The following PCYOX1L variants were observed in gnomAD, a reference collection of about 807,000 sequenced individuals.
PCYOX1L encodes the protein prenylcysteine oxidase 1-like.
PCYOX1L carries 40 observed loss-of-function variants against 44.1 expected under a neutral mutation model. The observed-to-expected ratio is 0.91, with a 90% CI of 0.70 to 1.18. PCYOX1L has a LOEUF of 1.18. PCYOX1L is among the 50% of genes most tolerant of loss of function. The pLI is 0.00. For synonymous variants in PCYOX1L, 266 were observed against 282.8 expected, an observed-to-expected ratio of 0.94 and a Z score of 0.60; for missense variants, 605 against 653.3, an observed-to-expected ratio of 0.93 and a Z score of 0.81.
chr5:149,362,359 T>G (rs1397700065), intron 1 of PCYOX1L: 1 of 466,290 alleles, frequency 2.1e-6, no homozygotes, highest in Admixed American at 3.5e-5. Flanking sequence ...CTTTAATTGG[T>G]CATCCTGACT....
In PCYOX1L at chr5:149,368,976, G is replaced by A. The variant is rs1418355606; in HGVS notation, c.*322G>A. ...TTAGCTAGAAACCAGAAGACTACGGGAGGGAATATAAGGCAGAGAACTATG... is the reference window on the plus strand; with the variant it reads ...TTAGCTAGAAACCAGAAGACTACGGAAGGGAATATAAGGCAGAGAACTATG... On this transcript the variant is annotated 3_prime_UTR_variant, in exon 6 of 6. Coordinates refer to ENST00000274569, the MANE Select transcript of PCYOX1L (RefSeq NM_024028.4). 1 of 220,234 alleles carries A rather than the reference G, an allele frequency of 4.5e-6. No homozygotes were observed. The highest frequency in any genetic ancestry group is 5.4e-5 in the Admixed American group (1 of 18,470). 13.6% of individuals were successfully genotyped at this position (220,234 alleles called of 1,614,324 possible).
intron 2 of PCYOX1L, chr5:149,363,335 G>C (rs1200915035): frequency 3.0e-6 from 1 of 330,494 alleles, no homozygotes; most frequent in Admixed American, 4.0e-5. Flanking sequence ...CAGAAACTCT[G>C]CTTCTCAGAA....
chr5:149,360,842 A>C (rs934571275), intron 1 of PCYOX1L, among the ~76,000 whole-genome samples: 5 of 152,218 alleles, frequency 3.3e-5, no homozygotes, highest in Non-Finnish European at 7.3e-5. Context: ...GAAATGGAAT[A>C]AGTAAGCAGA....
Position 149,367,412 on chromosome 5 carries a change from CAAT to C in PCYOX1L, c.738_740del (p.Asn246del). 1 of 1,613,702 alleles carries C rather than the reference CAAT, an allele frequency of 6.2e-7. No homozygotes were observed. ...GCAGCCTGTGGTCTGTGGAAGGAGG[CAAT>C]AAGCTGGTTTGTTCCGGTTTGCTGA... is the stretch of plus-strand genomic sequence containing the variant. On this transcript the variant is annotated inframe_deletion, in exon 5 of 6. Transcript: ENST00000274569.
chr5:149,368,434 G>T lies in PCYOX1L; in HGVS notation c.1265G>T (p.Trp422Leu). ...RSYYSVQTAE[W>L]QAHPLYGSRP... ...TATTACTCAGTGCAGACAGCTGAGT[G>T]GCAGGCCCATCCCCTCTATGGCTCC... Residue 422 changes from tryptophan to leucine, a missense_variant, in exon 6 of 6, where the codon TGG becomes TTG. Coordinates refer to ENST00000274569, the MANE Select transcript of PCYOX1L (RefSeq NM_024028.4). The T allele has an allele frequency of 6.2e-7, 1 of 1,614,090 alleles. No homozygotes were observed. The highest frequency in any genetic ancestry group is 8.5e-7 in the Non-Finnish European group (1 of 1,179,992).
intron 1 of PCYOX1L, among the ~76,000 whole-genome samples, chr5:149,359,564 G>T (rs916634015): frequency 6.6e-6 from 1 of 152,154 alleles, no homozygotes; most frequent in South Asian, 2.1e-4. Context: ...AGAGTGTGCT[G>T]TGGGAATATG....
In PCYOX1L at chr5:149,365,707, C is replaced by T. The variant is rs560978480; in HGVS notation, c.471-235C>T. 8 of 576,514 alleles carry T rather than the reference C, an allele frequency of 1.4e-5. No individual in the cohort carries two copies. In the Admixed American group the frequency reaches 1.5e-4, roughly 11 times the overall value. 35.7% of individuals were successfully genotyped at this position (576,514 alleles called of 1,614,324 possible). ...TGATACAGTTGTTACTCAGCACAGC[C>T]GTGATGTGAAGCCAGGCCTAGAAGG... On this transcript the variant is annotated intron_variant, in intron 3 of 5. Coordinates refer to ENST00000274569, the MANE Select transcript of PCYOX1L (RefSeq NM_024028.4).
rs1758327659 is a variant in PCYOX1L at position 149,368,846 on chromosome 5, G to A, written c.*192G>A. ...GGCGGCTGCTGCTTTTTTTTAAGGG[G>A]GAAAGTAAGAAAAGAGAAGGAAATC... is the stretch of plus-strand genomic sequence containing the variant. On this transcript the variant is annotated 3_prime_UTR_variant, in exon 6 of 6. Coordinates refer to ENST00000274569, the MANE Select transcript of PCYOX1L (RefSeq NM_024028.4). The A allele has an allele frequency of 6.9e-6, 3 of 432,616 alleles. No individual in the cohort carries two copies. Among genetic ancestry groups the A allele is most frequent in the Non-Finnish European group, 1.2e-5 (3 of 254,252 alleles). The allele number at this position is 432,616 out of a possible 1,614,324, so 26.8% of individuals were successfully genotyped here. A position where few individuals can be genotyped will look rare whatever the true frequency, so the allele number is the denominator to read the frequency against.
chr5:149,368,508 A>G lies in PCYOX1L; in HGVS notation c.1339A>G (p.Asn447Asp). The G allele has an allele frequency of 1.2e-6, 2 of 1,612,166 alleles. No homozygotes were observed. The highest frequency in any genetic ancestry group is 2.2e-5 in the South Asian group (2 of 90,752). Reference sequence around the variant, plus strand: ...ACTCCATGACCAGCTCTTCTACCTCAATGCCCTGGAGTGGGCGGCCAGCTC... The same window carrying G: ...ACTCCATGACCAGCTCTTCTACCTCGATGCCCTGGAGTGGGCGGCCAGCTC... ...FALHDQLFYL[N>D]ALEWAASSVE... The change falls in exon 6 of 6, where the codon AAT becomes GAT. Residue 447 changes from asparagine to aspartate, a missense_variant. Transcript: ENST00000274569.
intron 4 of PCYOX1L, among the ~76,000 whole-genome samples, 199 bp from the exon 5 acceptor site, chr5:149,367,161 C>T (rs888226047): frequency 3.9e-5 from 6 of 152,228 alleles, no homozygotes; most frequent in Non-Finnish European, 7.3e-5. Context: ...GGAGCTGGCT[C>T]TTTCGTTGAG....
intron 2 of PCYOX1L, chr5:149,363,319 T>C: frequency 3.0e-6 from 1 of 336,400 alleles, no homozygotes; most frequent in Non-Finnish European, 5.9e-6. Context: ...CACGTTCTGT[T>C]TGATGCAGAA....
At chr5:149,367,637 C>T (rs1758260430) in intron 5 of PCYOX1L, 137 bp downstream of exon 5, 2 of 1,265,818 alleles carry the variant, frequency 1.6e-6, no homozygotes, top group East Asian at 5.4e-5. Flanking sequence ...AAGCCCCAAC[C>T]CTGCCAGGTG....
chr5:149,358,620 G>A (rs747439171), intron 1 of PCYOX1L, among the ~76,000 whole-genome samples: 6 of 152,170 alleles, frequency 3.9e-5, no homozygotes, highest in Non-Finnish European at 8.8e-5. Flanking sequence ...ATGCAGAGGA[G>A]GGGCGCTTCA....
intron 4 of PCYOX1L, 67 bp downstream of exon 4, chr5:149,366,220 G>C (rs2127614148): frequency 6.5e-7 from 1 of 1,528,114 alleles, no homozygotes; most frequent in East Asian, 2.3e-5. Context: ...AATGGGCTGG[G>C]GGTCCCCATA....
intron 4 of PCYOX1L, among the ~76,000 whole-genome samples, chr5:149,366,630 T>C (rs1324921648): frequency 6.6e-6 from 1 of 152,238 alleles, no homozygotes; most frequent in Non-Finnish European, 1.5e-5. Context: ...CCTTGTCTAT[T>C]GTTCCCTGAT....
chr5:149,363,180 C>T (rs1389641848), intron 2 of PCYOX1L: 4 of 425,682 alleles, frequency 9.4e-6, no homozygotes, highest in African/African-American at 2.0e-5. Context: ...CCTCAGCTCC[C>T]CTCTACCAAC....
Position 149,367,376 on chromosome 5 carries a change from CGG to C in PCYOX1L, c.702_703del (p.Ala235ProfsTer12), listed in dbSNP as rs1201499775. ...PAFAGAMSLA[G>X]AQGSLWSVEG... is the part of the protein sequence containing the mutation. ...TTTGCCCAGGAGCCATGTCACTAGC[CGG>C]GGCCCAAGGCAGCCTGTGGTCTGTG... On this transcript the variant is annotated frameshift_variant, in exon 5 of 6. Transcript: ENST00000274569. LOFTEE classifies it high-confidence loss of function. 6.2e-7 allele frequency: 1 copy of C among 1,610,682 alleles called. No individual in the cohort carries two copies. Among genetic ancestry groups the C allele is most frequent in the East Asian group, 2.2e-5 (1 of 44,796 alleles).
intron 1 of PCYOX1L, among the ~76,000 whole-genome samples, chr5:149,359,283 A>G (rs1196652648): frequency 6.6e-6 from 1 of 152,236 alleles, no homozygotes; most frequent in African/African-American, 2.4e-5. Context: ...GTGCAGTGCT[A>G]AAGCTTCTTG....
chr5:149,367,579 G>C, intron 5 of PCYOX1L, 79 bp downstream of exon 5: 1 of 1,564,512 alleles, frequency 6.4e-7, no homozygotes, highest in South Asian at 1.2e-5. Context: ...TTGTACCTCA[G>C]CCCTGGTCTG....
Sources: gnomAD v4.1 joint callset for allele counts (sites outside exome capture counted in the v4.1 genomes callset) on GRCh38, gnomAD v4.1.1 for gene constraint, MANE v1.5 for transcripts, NCBI Gene and HGNC (gene_info 2026-07-23, HGNC 2026-07-21) for gene names.